The following SMARCAD1 variants were observed in gnomAD, a reference collection of about 807,000 sequenced individuals.
SMARCAD1 encodes SWI/SNF-related matrix-associated actin-dependent regulator of chromatin subfamily A containing DEAD/H box 1.
In SMARCAD1, 25 loss-of-function variants were observed where a neutral mutation model predicts 127.1. That is an observed-to-expected ratio of 0.20 (90% confidence interval 0.14 to 0.27). The LOEUF is 0.27. SMARCAD1 is among the 10% of genes least tolerant of loss of function. SMARCAD1 has a pLI of 1.00. For missense variants in SMARCAD1, 807 were observed against 1,206.0 expected, an observed-to-expected ratio of 0.67 and a Z score of 4.90; for synonymous variants, 400 against 396.9, an observed-to-expected ratio of 1.01 and a Z score of -0.09.
chr4:94,239,124 C>T (rs1393676706), intron 5 of SMARCAD1, among the ~76,000 whole-genome samples: 1 of 152,122 alleles, frequency 6.6e-6, no homozygotes, highest in Non-Finnish European at 1.5e-5. Flanking sequence ...ATGGAACGGA[C>T]AGAACAGTCT....
At chr4:94,237,310 G>A (rs1015418958) in intron 5 of SMARCAD1, among the ~76,000 whole-genome samples, 10 of 151,976 alleles carry the variant, frequency 6.6e-5, no homozygotes, top group East Asian at 1.9e-4. Flanking sequence ...ATAGGTTTAC[G>A]AATCTTAGTA....
Position 94,275,796 on chromosome 4 carries a change from C to CTTTTTTTTTTT in SMARCAD1, c.1809-535_1809-525dup, listed in dbSNP as rs535710589. On this transcript the variant is annotated intron_variant, in intron 14 of 23. Transcript: ENST00000354268. ...TGTCCGATTGTAACATTAACATTTT[C>CTTTTTTTTTTT]TTTTTTTTTTTTTTTTTTGAGACGG... Among the ~76,000 whole-genome samples, 179 of 85,354 alleles carry CTTTTTTTTTTT rather than the reference C, an allele frequency of 2.1e-3. 7 individuals carry two copies. Among genetic ancestry groups the CTTTTTTTTTTT allele is most frequent in the African/African-American group, 5.3e-3 (141 of 26,690 alleles). 56.0% of individuals were successfully genotyped at this position (85,354 alleles called of 152,430 possible). A position where few individuals can be genotyped will look rare whatever the true frequency, so the allele number is the denominator to read the frequency against.
Position 94,231,450 on chromosome 4 carries a change from A to G in SMARCAD1, c.369-2504A>G, listed in dbSNP as rs539336191. ...GCAAGTGGTCAACTCTGTTGTTCTT[A>G]CAGGTTTTTTTCTTCTGTTTTTAAA... On this transcript the variant is annotated intron_variant, in intron 3 of 23. Coordinates refer to ENST00000354268, the MANE Select transcript of SMARCAD1 (RefSeq NM_020159.5). Among the ~76,000 whole-genome samples, 14 of 152,336 alleles carry G rather than the reference A, an allele frequency of 9.2e-5. No homozygotes were observed. In the East Asian group the frequency reaches 2.7e-3, roughly 29 times the overall value.
chr4:94,285,333 A>C (rs1754778866), intron 23 of SMARCAD1, among the ~76,000 whole-genome samples: 1 of 152,232 alleles, frequency 6.6e-6, no homozygotes, highest in South Asian at 2.1e-4. Flanking sequence ...GACGCCTCCT[A>C]GTCGCCCCAT....
At chr4:94,287,578 TC>T (rs1448264781) in intron 23 of SMARCAD1, among the ~76,000 whole-genome samples, 6 of 152,046 alleles carry the variant, frequency 3.9e-5, no homozygotes, top group Non-Finnish European at 1.5e-5. Context: ...AAATGCAAAT[TC>T]CCAAGCCCCA....
rs150371440 is a variant in SMARCAD1 at position 94,287,189 on chromosome 4, G to A, written c.3019+2120G>A. Among the ~76,000 whole-genome samples the A allele has an allele frequency of 7.2e-5, 11 of 152,176 alleles. 2 individuals are homozygous for A. The East Asian group carries it at 2.1e-3, about 29-fold the overall frequency. On this transcript the variant is annotated intron_variant, in intron 23 of 23. Coordinates refer to ENST00000354268, the MANE Select transcript of SMARCAD1 (RefSeq NM_020159.5). The stretch of plus-strand genomic sequence containing the variant: ...GCTGTTTATATGTGTTTTTCCCAGT[G>A]TGTATTTTATTTGCTAGAATAAGGA...
intron 16 of SMARCAD1, 150 bp from the exon 17 acceptor site, chr4:94,278,272 C>T (rs926301555): frequency 3.2e-5 from 22 of 696,906 alleles, no homozygotes; most frequent in Non-Finnish European, 5.0e-5. Flanking sequence ...GCCCAGAATT[C>T]AGATGTGAAG....
Position 94,290,878 on chromosome 4 carries a change from T to G in SMARCAD1, c.*1344T>G, listed in dbSNP as rs1488257422. 2 of 452,896 alleles carry G rather than the reference T, an allele frequency of 4.4e-6. No individual in the cohort carries two copies. The highest frequency in any genetic ancestry group is 8.8e-6 in the Non-Finnish European group (2 of 226,186). 28.1% of individuals were successfully genotyped at this position (452,896 alleles called of 1,614,324 possible). ...AAAGCATCCTAACTTGCTAAGATGC[T>G]AGGTAGTACGACCCTCTGGATTTGG... On this transcript the variant is annotated 3_prime_UTR_variant, in exon 24 of 24. Coordinates refer to ENST00000354268, the MANE Select transcript of SMARCAD1 (RefSeq NM_020159.5).
rs1160108710 is a variant in SMARCAD1 at position 94,289,583 on chromosome 4, A to G, written c.*49A>G. 7 of 1,392,086 alleles carry G rather than the reference A, an allele frequency of 5.0e-6. No homozygotes were observed. In the East Asian group the frequency reaches 1.1e-4, roughly 23 times the overall value. 86.2% of individuals were successfully genotyped at this position (1,392,086 alleles called of 1,614,324 possible). A position where few individuals can be genotyped will look rare whatever the true frequency, so the allele number is the denominator to read the frequency against. On this transcript the variant is annotated 3_prime_UTR_variant, in exon 24 of 24. Coordinates refer to ENST00000354268, the MANE Select transcript of SMARCAD1 (RefSeq NM_020159.5). ...TGATGAGGAAATATCAACTTGGTGC[A>G]CTCAAGGACATTTACATTATGATGA...
At chr4:94,256,344 G>A (rs1047952817) in intron 9 of SMARCAD1, among the ~76,000 whole-genome samples, 2 of 151,776 alleles carry the variant, frequency 1.3e-5, no homozygotes, top group Non-Finnish European at 2.9e-5. Context: ...ACTAGACTGT[G>A]GATTTTCTTT....
At position 94,234,010 on chromosome 4, in the gene SMARCAD1, A is replaced by G. The variant is rs1560525396; in HGVS notation, c.425A>G (p.Asn142Ser). The change falls in exon 4 of 24, where the codon AAT becomes AGT. Residue 142 changes from asparagine (N) to serine (S), a missense_variant. Transcript: ENST00000354268. ...GGCCTTCCTACCATGGCACGTAGAA[A>G]TGATGATATTTCAGAACTGGAAGAC... is the stretch of plus-strand genomic sequence containing the variant. Reference protein sequence around the residue: ...SQGLPTMARRNDDISELEDLS... With the variant: ...SQGLPTMARRSDDISELEDLS... The G allele has an allele frequency of 6.2e-7, 1 of 1,613,720 alleles. No homozygotes were observed. The highest frequency in any genetic ancestry group is 8.5e-7 in the Non-Finnish European group (1 of 1,179,826).
chr4:94,218,666 A>G (rs545043311), intron 2 of SMARCAD1, among the ~76,000 whole-genome samples: 18 of 150,752 alleles, frequency 1.2e-4, no homozygotes, highest in Admixed American at 3.3e-4. Flanking sequence ...ATTAGAAACT[A>G]CTCTTTAATC....
At chr4:94,265,615 T>A (rs1751628841) in intron 10 of SMARCAD1, among the ~76,000 whole-genome samples, 1 of 151,838 alleles carries the variant, frequency 6.6e-6, no homozygotes, top group Non-Finnish European at 1.5e-5. Context: ...GGAAATTGTG[T>A]TGAACTTCCT....
chr4:94,263,006 G>A (rs1487411598), intron 9 of SMARCAD1, among the ~76,000 whole-genome samples: 1 of 151,636 alleles, frequency 6.6e-6, no homozygotes, highest in African/African-American at 2.4e-5. Context: ...TAGTTATACA[G>A]TGAAAAGGGC....
chr4:94,281,395 T>C (rs1754004080), intron 20 of SMARCAD1, 77 bp from the exon 21 acceptor site: 3 of 970,330 alleles, frequency 3.1e-6, no homozygotes, highest in Admixed American at 1.7e-5. Flanking sequence ...GTAACACTTC[T>C]AACTGTTTAA....
At chr4:94,208,695 C>A in intron 2 of SMARCAD1, 111 bp downstream of exon 2, 2 of 1,042,168 alleles carry the variant, frequency 1.9e-6, no homozygotes, top group Non-Finnish European at 2.9e-6. Flanking sequence ...ATGCATTGTC[C>A]TGCGGTGTGC....
intron 11 of SMARCAD1, among the ~76,000 whole-genome samples, chr4:94,272,404 G>T (rs191818695): frequency 6.6e-6 from 1 of 152,246 alleles, no homozygotes; most frequent in Non-Finnish European, 1.5e-5. Flanking sequence ...GTCTAATTTA[G>T]TTGCAGTAAA....
At chr4:94,275,306 T>C (rs1753099476) in intron 14 of SMARCAD1, among the ~76,000 whole-genome samples, 1 of 152,194 alleles carries the variant, frequency 6.6e-6, no homozygotes, top group African/African-American at 2.4e-5. Flanking sequence ...AATAAGTATC[T>C]GTAATAAATA....
At chr4:94,262,118 C>A (rs1751082831) in intron 9 of SMARCAD1, among the ~76,000 whole-genome samples, 1 of 152,150 alleles carries the variant, frequency 6.6e-6, no homozygotes, top group South Asian at 2.1e-4. Flanking sequence ...GCATCTTTGA[C>A]TTTGATGGTC....
Sources: allele counts gnomAD v4.1 joint callset (sites outside exome capture counted in the v4.1 genomes callset), GRCh38; gene constraint gnomAD v4.1.1; transcripts MANE v1.5; gene names NCBI Gene and HGNC (gene_info 2026-07-23, HGNC 2026-07-21).